Variants in NEBL observed in about 807,000 individuals in gnomAD.
The protein encoded by NEBL is LIM and SH3 protein 2.
NEBL carries 122 observed loss-of-function variants against 140.2 expected under a neutral mutation model. The observed-to-expected ratio is 0.87, with a 90% CI of 0.75 to 1.01. NEBL has a LOEUF of 1.01. Ranked by LOEUF, NEBL falls within the 50% of genes least tolerant of loss-of-function variation. NEBL has a pLI of 0.00. For missense variants in NEBL, 1,365 were observed against 1,231.3 expected (o/e 1.11, Z -1.62); for synonymous variants, 436 against 398.9 (o/e 1.09, Z -1.11).
chr10:20,935,164 T>G (rs554325642), intron 4 of NEBL, among the ~76,000 whole-genome samples: 1 of 152,296 alleles, frequency 6.6e-6, no homozygotes, highest in East Asian at 1.9e-4. Context: ...TTCAACACAG[T>G]GTGGTAAGCA....
At chr10:21,216,601 T>C (rs1841995702) in intron 3 of NEBL, among the ~76,000 whole-genome samples, 1 of 151,992 alleles carries the variant, frequency 6.6e-6, no homozygotes, top group African/African-American at 2.4e-5. Flanking sequence ...TGAAACCCTG[T>C]CTCTACTAAA....
chr10:20,934,576 A>G (rs969758497), intron 4 of NEBL, among the ~76,000 whole-genome samples: 3 of 152,082 alleles, frequency 2.0e-5, no homozygotes, highest in African/African-American at 7.2e-5. Context: ...TCTTTGCCTG[A>G]CTGCACACCA....
intron 2 of NEBL, among the ~76,000 whole-genome samples, chr10:21,089,037 G>A (rs1836784177): frequency 6.6e-6 from 1 of 152,118 alleles, no homozygotes; most frequent in South Asian, 2.1e-4. Context: ...GAGGAGAGAT[G>A]GTGCAGTGAC....
chr10:20,978,060 C>A (rs1836874697), intron 3 of NEBL, among the ~76,000 whole-genome samples: 1 of 152,098 alleles, frequency 6.6e-6, no homozygotes, highest in Non-Finnish European at 1.5e-5. Context: ...TATTTAAATG[C>A]TCTGGGCTCC....
intron 2 of NEBL, chr10:21,146,405 G>C: frequency 6.2e-7 from 1 of 1,605,602 alleles, no homozygotes; most frequent in Non-Finnish European, 8.5e-7. Context: ...GATTAGTAAA[G>C]CACAAACACT....
At chr10:21,231,062 A>G (rs754582897) in intron 3 of NEBL, among the ~76,000 whole-genome samples, 6 of 152,210 alleles carry the variant, frequency 3.9e-5, no homozygotes, top group Admixed American at 2.6e-4. Context: ...TTGATTCACA[A>G]TCATGCTTTG....
intron 4 of NEBL, among the ~76,000 whole-genome samples, chr10:20,940,929 T>C (rs1193906620): frequency 2.0e-5 from 3 of 152,126 alleles, no homozygotes; most frequent in Admixed American, 6.5e-5. Context: ...GGCTCTGAAA[T>C]TGAGGCAATA....
At chr10:21,245,046 C>A (rs1842498546) in intron 3 of NEBL, among the ~76,000 whole-genome samples, 1 of 151,968 alleles carries the variant, frequency 6.6e-6, no homozygotes, top group Non-Finnish European at 1.5e-5. Flanking sequence ...GCCTGTAGAC[C>A]CAGCTATTCA....
At chr10:20,959,614 C>A (rs186696332) in intron 4 of NEBL, among the ~76,000 whole-genome samples, 1 of 152,184 alleles carries the variant, frequency 6.6e-6, no homozygotes, top group Non-Finnish European at 1.5e-5. Context: ...ATTCACCAGA[C>A]CTCAGAGCAC....
In NEBL at chr10:20,781,870, T is replaced by A. The variant is rs1835057081; in HGVS notation, c.*3877A>T. 1 of 152,562 alleles carries A rather than the reference T, an allele frequency of 6.6e-6. No individual in the cohort carries two copies. The highest frequency in any genetic ancestry group is 2.1e-4 in the South Asian group (1 of 4,834). 9.5% of individuals were successfully genotyped at this position (152,562 alleles called of 1,614,324 possible). A position where few individuals can be genotyped will look rare whatever the true frequency, so the allele number is the denominator to read the frequency against. On this transcript the variant is annotated 3_prime_UTR_variant, in exon 28 of 28. Coordinates refer to ENST00000377122, the MANE Select transcript of NEBL (RefSeq NM_006393.3). ...AACTAAAAGCTCTCCCACCTCCATATCACCTTAACCAAAACAACCACAATC... is the reference window on the plus strand; with the variant it reads ...AACTAAAAGCTCTCCCACCTCCATAACACCTTAACCAAAACAACCACAATC...
chr10:21,045,514 C>G (rs1834469643), intron 2 of NEBL, among the ~76,000 whole-genome samples: 1 of 152,062 alleles, frequency 6.6e-6, no homozygotes, highest in Admixed American at 6.6e-5. Flanking sequence ...GAGAAAGAAA[C>G]TGAATAGTAA....
chr10:20,851,617 T>C (rs976362398), intron 10 of NEBL, among the ~76,000 whole-genome samples: 4 of 111,904 alleles, frequency 3.6e-5, no homozygotes, highest in Middle Eastern at 9.7e-3. Context: ...TTACTAAAAA[T>C]ACAAAAAAAA....
intron 2 of NEBL, among the ~76,000 whole-genome samples, chr10:21,025,776 C>T (rs1482128477): frequency 6.6e-6 from 1 of 152,104 alleles, no homozygotes; most frequent in African/African-American, 2.4e-5. Context: ...CCTCTCTGGC[C>T]TCAACTTTCT....
chr10:20,929,941 G>T (rs1328401927), intron 4 of NEBL, among the ~76,000 whole-genome samples: 2 of 152,036 alleles, frequency 1.3e-5, no homozygotes, highest in Non-Finnish European at 2.9e-5. Flanking sequence ...AAAAAATTGA[G>T]GTTAGAGAGC....
At chr10:21,087,642 G>A (rs1299710995) in intron 2 of NEBL, among the ~76,000 whole-genome samples, 3 of 152,188 alleles carry the variant, frequency 2.0e-5, no homozygotes, top group Non-Finnish European at 4.4e-5. Flanking sequence ...CTGAATTGGT[G>A]CCTATCGAGT....
At chr10:21,273,671 C>T (rs1438046343) in intron 1 of NEBL, among the ~76,000 whole-genome samples, 1 of 152,222 alleles carries the variant, frequency 6.6e-6, no homozygotes, top group Non-Finnish European at 1.5e-5. Flanking sequence ...GAGAGCAGCA[C>T]ATCCCTTAAG....
upstream of NEBL, among the ~76,000 whole-genome samples, chr10:20,901,114 A>G (rs1317497465): frequency 6.6e-6 from 1 of 152,204 alleles, no homozygotes; most frequent in Non-Finnish European, 1.5e-5. Flanking sequence ...AGTGATGTGA[A>G]AAACATTTGG....
intron 3 of NEBL, among the ~76,000 whole-genome samples, chr10:21,209,362 G>A (rs1199934869): frequency 6.6e-6 from 1 of 152,204 alleles, no homozygotes; most frequent in Non-Finnish European, 1.5e-5. Flanking sequence ...TTTAGTATAA[G>A]TATGTATGTC....
At chr10:21,242,340 C>G (rs930042987) in intron 3 of NEBL, among the ~76,000 whole-genome samples, 7 of 152,144 alleles carry the variant, frequency 4.6e-5, no homozygotes, top group Admixed American at 2.0e-4. Flanking sequence ...GAGCTGGAGG[C>G]CTTTATCCTA....
Sources: gnomAD v4.1 joint callset for allele counts (sites outside exome capture counted in the v4.1 genomes callset) on GRCh38, gnomAD v4.1.1 for gene constraint, MANE v1.5 for transcripts, NCBI Gene and HGNC (gene_info 2026-07-23, HGNC 2026-07-21) for gene names.